PRKAG2: variants seen among roughly 807,000 people sequenced by gnomAD.
The protein encoded by PRKAG2 is 5'-AMP-activated protein kinase subunit gamma-2.
PRKAG2 carries 26 observed loss-of-function variants against 69.6 expected under a neutral mutation model. The ratio of observed to expected loss-of-function variants is 0.37; its 90% CI spans 0.27 to 0.52. The LOEUF is 0.52. PRKAG2 is among the 20% of genes least tolerant of loss of function. The probability of loss-of-function intolerance (pLI) is 0.90; values close to 1 mark genes in which losing one functional copy is unlikely to be tolerated. For missense variants in PRKAG2, 557 were observed against 740.0 expected, an observed-to-expected ratio of 0.75 and a Z score of 2.87; for synonymous variants, 293 against 285.0, an observed-to-expected ratio of 1.03 and a Z score of -0.28.
chr7:151,816,193 C>T (rs945724213), intron 1 of PRKAG2, among the ~76,000 whole-genome samples: 23 of 152,102 alleles, frequency 1.5e-4, no homozygotes, highest in Non-Finnish European at 1.9e-4. Context: ...CAGGAGGGTA[C>T]CAGGCAATCC....
In PRKAG2 at chr7:151,780,913, T is replaced by C. The variant is rs1415230522; in HGVS notation, c.466+239A>G. On this transcript the variant is annotated intron_variant, in intron 3 of 15. Coordinates refer to ENST00000287878, the MANE Select transcript of PRKAG2 (RefSeq NM_016203.4). The surrounding 1 kb of genome is among the most constrained non-coding windows in gnomAD (Gnocchi z 4.2). ...TTTACAGTTAACCCAAGGACCTTGC[T>C]GGACCAGAAGGATTACGCTTTGATA... Among the ~76,000 whole-genome samples the C allele has an allele frequency of 6.6e-6, 1 of 152,142 alleles. No homozygotes were observed. The highest frequency in any genetic ancestry group is 1.5e-5 in the Non-Finnish European group (1 of 68,040).
At chr7:151,808,408 T>C (rs1264587280) in intron 1 of PRKAG2, among the ~76,000 whole-genome samples, 1 of 152,184 alleles carries the variant, frequency 6.6e-6, no homozygotes, top group Non-Finnish European at 1.5e-5. Flanking sequence ...AGTTGGACTG[T>C]AGGCAAGAAG....
At chr7:151,691,439 A>T (rs534545928) in intron 3 of PRKAG2, among the ~76,000 whole-genome samples, 87 of 152,106 alleles carry the variant, frequency 5.7e-4, no homozygotes, top group South Asian at 2.1e-3. Context: ...AGAGTATATA[A>T]AGAACTCTCA....
intron 1 of PRKAG2, among the ~76,000 whole-genome samples, chr7:151,821,063 C>T (rs1451741297): frequency 3.0e-4 from 1 of 3,320 alleles, no homozygotes; most frequent in Non-Finnish European, 1.3e-3. Context: ...GCTGTGGAGA[C>T]AGGGAACAAG....
Position 151,781,107 on chromosome 7 carries a change from C to G in PRKAG2, c.466+45G>C. The G allele has an allele frequency of 6.2e-7, 1 of 1,611,270 alleles. No individual in the cohort carries two copies. On this transcript the variant is annotated intron_variant, in intron 3 of 15. Transcript: ENST00000287878. The surrounding 1 kb of genome is among the most constrained non-coding windows in gnomAD (Gnocchi z 6.1). ...GGATGTGTGGCTGCAGAAGAGACCCCCAGCACCCCAGCACCCACCTGAAAC... is the reference window on the plus strand; with the variant it reads ...GGATGTGTGGCTGCAGAAGAGACCCGCAGCACCCCAGCACCCACCTGAAAC...
At chr7:151,875,562 G>GGGGT (rs1158947028) in intron 1 of PRKAG2, among the ~76,000 whole-genome samples, 11 of 131,344 alleles carry the variant, frequency 8.4e-5, no homozygotes, top group African/African-American at 2.6e-4. Flanking sequence ...GGAGCACTCT[G>GGGGT]GTGTGTGTGT....
Position 151,558,091 on chromosome 7 carries a change from G to A in PRKAG2, c.1679-859C>T, listed in dbSNP as rs535979912. The A allele has an allele frequency of 3.5e-5, 34 of 985,294 alleles. No individual in the cohort carries two copies. In the East Asian group the frequency reaches 3.6e-3, roughly 105 times the overall value. 61.0% of individuals were successfully genotyped at this position (985,294 alleles called of 1,614,324 possible). A position where few individuals can be genotyped will look rare whatever the true frequency, so the allele number is the denominator to read the frequency against. ...TATTAGAGCGTGTGGCTGAAACACC[G>A]TAGCTCCTGGCATCAGACTGCCCAC... On this transcript the variant is annotated intron_variant, in intron 15 of 15. Transcript: ENST00000287878.
intron 1 of PRKAG2, among the ~76,000 whole-genome samples, chr7:151,846,413 A>T (rs1390342755): frequency 6.6e-6 from 1 of 152,198 alleles, no homozygotes; most frequent in African/African-American, 2.4e-5. Flanking sequence ...GGTTGCGGTG[A>T]GCCAAGATCG....
intron 4 of PRKAG2, among the ~76,000 whole-genome samples, chr7:151,640,094 T>C (rs920094014): frequency 2.0e-5 from 3 of 152,184 alleles, no homozygotes; most frequent in Middle Eastern, 3.4e-3. Context: ...GTGGATCACC[T>C]GAGGTCAGGA....
intron 6 of PRKAG2, among the ~76,000 whole-genome samples, chr7:151,581,804 A>G (rs944798031): frequency 1.4e-4 from 21 of 152,304 alleles, no homozygotes; most frequent in African/African-American, 5.1e-4. Context: ...TATGATGATT[A>G]TTACTTCAGA....
chr7:151,584,546 A>T (rs1811201833), intron 6 of PRKAG2, among the ~76,000 whole-genome samples: 1 of 152,218 alleles, frequency 6.6e-6, no homozygotes, highest in South Asian at 2.1e-4. Context: ...AATATTAAAG[A>T]TCAACTCGGG....
chr7:151,705,655 T>A (rs1390980734), intron 3 of PRKAG2, among the ~76,000 whole-genome samples: 1 of 152,160 alleles, frequency 6.6e-6, no homozygotes, highest in Non-Finnish European at 1.5e-5. Flanking sequence ...CAGGATCAGC[T>A]CACTAAGGTC....
At chr7:151,721,663 G>A (rs1036831067) in intron 3 of PRKAG2, among the ~76,000 whole-genome samples, 3 of 152,346 alleles carry the variant, frequency 2.0e-5, no homozygotes, top group Admixed American at 2.0e-4. Context: ...GAGCAGCAGG[G>A]TAGGCCCCTC....
intron 3 of PRKAG2, chr7:151,736,243 G>A: frequency 7.4e-7 from 1 of 1,356,294 alleles, no homozygotes; most frequent in South Asian, 1.7e-5. Context: ...GTCCTGACGG[G>A]GCTGCACCTC....
intron 5 of PRKAG2, among the ~76,000 whole-genome samples, chr7:151,602,687 C>T (rs770805523): frequency 6.6e-6 from 1 of 152,146 alleles, no homozygotes; most frequent in South Asian, 2.1e-4. Context: ...GGTTTGGCTT[C>T]GTGTCCCCAC....
chr7:151,866,043 A>G (rs59404899), intron 1 of PRKAG2, among the ~76,000 whole-genome samples: 41,599 of 149,760 alleles, frequency 0.28, 6,434 homozygotes, highest in East Asian at 0.47. Context: ...AAAGAAAAAG[A>G]AAAGAAAGTG....
At chr7:151,677,603 C>T (rs1027176853) in intron 3 of PRKAG2, among the ~76,000 whole-genome samples, 2 of 152,206 alleles carry the variant, frequency 1.3e-5, no homozygotes, top group African/African-American at 4.8e-5. Flanking sequence ...TACATGTAGC[C>T]TAGAGCTGCC....
At chr7:151,798,529 G>A (rs2077673756) in intron 1 of PRKAG2, among the ~76,000 whole-genome samples, 1 of 152,164 alleles carries the variant, frequency 6.6e-6, no homozygotes. Flanking sequence ...TGTCCAGGCT[G>A]GTCTTGAACT....
chr7:151,796,757 G>A (rs1032332263), intron 1 of PRKAG2, among the ~76,000 whole-genome samples: 3 of 152,128 alleles, frequency 2.0e-5, no homozygotes, highest in Non-Finnish European at 2.9e-5. Context: ...CATAAGCTGG[G>A]GCGTAAATGA....
Sources: allele counts gnomAD v4.1 joint callset (sites outside exome capture counted in the v4.1 genomes callset), GRCh38; gene constraint gnomAD v4.1.1; non-coding constraint Gnocchi (gnomAD v3.1); transcripts MANE v1.5; gene names NCBI Gene and HGNC (gene_info 2026-07-23, HGNC 2026-07-21).